Variants in GPC5 observed in about 807,000 individuals in gnomAD.
GPC5 encodes glypican-5.
Under a neutral mutation model 53.9 loss-of-function variants are expected in GPC5, and 47 were observed. That is an observed-to-expected ratio of 0.87 (90% CI 0.69 to 1.11). The LOEUF (loss-of-function observed/expected upper bound fraction) is 1.11, where lower values mean the gene tolerates loss of function less well. GPC5 is among the 50% of genes most tolerant of loss of function. GPC5 has a pLI of 0.00. For synonymous variants in GPC5, 286 were observed against 263.3 expected (o/e 1.09, Z -0.84); for missense variants, 748 against 713.1 (o/e 1.05, Z -0.56).
chr13:92,239,347 C>T (rs1326003310), intron 7 of GPC5, among the ~76,000 whole-genome samples: 1 of 151,800 alleles, frequency 6.6e-6, no homozygotes, highest in Non-Finnish European at 1.5e-5. Context: ...TTATTTAGGT[C>T]TTTAATTTTA....
intron 2 of GPC5, among the ~76,000 whole-genome samples, chr13:91,506,855 A>T (rs1006636449): frequency 3.3e-5 from 5 of 152,100 alleles, no homozygotes; most frequent in Non-Finnish European, 5.9e-5. Flanking sequence ...TGACTATTTG[A>T]TTATTATGGT....
chr13:91,860,336 C>A (rs1306654501), intron 5 of GPC5, among the ~76,000 whole-genome samples: 2 of 151,886 alleles, frequency 1.3e-5, no homozygotes, highest in Admixed American at 1.3e-4. Flanking sequence ...ACTTTCTTTT[C>A]TTGGCTCATT....
intron 6 of GPC5, among the ~76,000 whole-genome samples, chr13:91,965,292 T>G (rs915509848): frequency 6.6e-6 from 1 of 152,164 alleles, no homozygotes; most frequent in African/African-American, 2.4e-5. Flanking sequence ...TGTTAGCTAT[T>G]CCTTCAGAAA....
intron 5 of GPC5, among the ~76,000 whole-genome samples, chr13:91,844,371 C>T (rs905351496): frequency 9.2e-5 from 14 of 152,248 alleles, no homozygotes; most frequent in African/African-American, 2.4e-4. Flanking sequence ...GTGCTCTCTG[C>T]GGAAACTTCT....
At chr13:92,376,502 G>T (rs2043694675) in intron 7 of GPC5, among the ~76,000 whole-genome samples, 1 of 152,188 alleles carries the variant, frequency 6.6e-6, no homozygotes, top group Non-Finnish European at 1.5e-5. Flanking sequence ...CCTAGTGTCT[G>T]CATAGAGGTT....
chr13:92,651,122 A>G (rs1885943952), intron 7 of GPC5, among the ~76,000 whole-genome samples: 1 of 152,028 alleles, frequency 6.6e-6, no homozygotes, highest in African/African-American at 2.4e-5. Context: ...TGGGAATACT[A>G]TGGGACCTTG....
intron 2 of GPC5, among the ~76,000 whole-genome samples, chr13:91,579,400 A>C (rs535446762): frequency 1.3e-5 from 2 of 152,148 alleles, no homozygotes; most frequent in East Asian, 3.9e-4. Flanking sequence ...GTGCTGTAAC[A>C]TTTTATAACC....
chr13:92,207,098 A>G (rs1194707522), intron 7 of GPC5, among the ~76,000 whole-genome samples: 1 of 152,116 alleles, frequency 6.6e-6, no homozygotes, highest in Non-Finnish European at 1.5e-5. Flanking sequence ...TTTTACCCAA[A>G]CTTTTCTACC....
At chr13:91,685,915 T>C (rs1398991196) in intron 2 of GPC5, among the ~76,000 whole-genome samples, 1 of 148,712 alleles carries the variant, frequency 6.7e-6, no homozygotes, top group Non-Finnish European at 1.5e-5. Context: ...ACCATGTTTT[T>C]GTGTATGAAT....
intron 7 of GPC5, among the ~76,000 whole-genome samples, chr13:92,525,818 C>T (rs927233797): frequency 1.3e-5 from 2 of 152,012 alleles, no homozygotes; most frequent in Admixed American, 1.3e-4. Context: ...TTGCTCTGAT[C>T]CCAATATTCA....
At chr13:92,841,780 C>T (rs532235685) in intron 7 of GPC5, among the ~76,000 whole-genome samples, 1 of 152,178 alleles carries the variant, frequency 6.6e-6, no homozygotes, top group East Asian at 1.9e-4. Context: ...TAAGTGCCTC[C>T]TTTCTCTACT....
intron 7 of GPC5, among the ~76,000 whole-genome samples, chr13:92,693,981 G>GTGCCC (rs2139238300): frequency 6.6e-6 from 1 of 152,294 alleles, no homozygotes; most frequent in South Asian, 2.1e-4. Context: ...TCAGGACTTG[G>GTGCCC]TGCCCTGCAA....
At chr13:91,476,458 A>C (rs1882934668) in intron 2 of GPC5, among the ~76,000 whole-genome samples, 1 of 152,222 alleles carries the variant, frequency 6.6e-6, no homozygotes, top group South Asian at 2.1e-4. Flanking sequence ...TGTGAGACCA[A>C]AAAAAGAAAA....
At chr13:92,768,567 T>C (rs1875496521) in intron 7 of GPC5, among the ~76,000 whole-genome samples, 2 of 152,164 alleles carry the variant, frequency 1.3e-5, no homozygotes, top group Admixed American at 6.5e-5. Context: ...ATTGTTCCTT[T>C]TACCTGATTT....
chr13:92,612,970 G>C (rs1183115596), intron 7 of GPC5, among the ~76,000 whole-genome samples: 2 of 151,772 alleles, frequency 1.3e-5, no homozygotes, highest in South Asian at 4.2e-4. Flanking sequence ...AACACTCCTA[G>C]TAGGCACTGT....
At chr13:91,832,748 T>A (rs1194174489) in intron 5 of GPC5, among the ~76,000 whole-genome samples, 1 of 152,102 alleles carries the variant, frequency 6.6e-6, no homozygotes, top group Non-Finnish European at 1.5e-5. Flanking sequence ...GAGCAGTGTT[T>A]AGAGGGAAAT....
At chr13:91,975,246 C>T (rs1172657669) in intron 6 of GPC5, among the ~76,000 whole-genome samples, 1 of 152,094 alleles carries the variant, frequency 6.6e-6, no homozygotes, top group Non-Finnish European at 1.5e-5. Flanking sequence ...AAAGCAATGG[C>T]AACAAAAGCC....
chr13:92,583,647 G>A (rs1883439941), intron 7 of GPC5, among the ~76,000 whole-genome samples: 1 of 152,174 alleles, frequency 6.6e-6, no homozygotes, highest in African/African-American at 2.4e-5. Context: ...TTGTGCCTGT[G>A]AAGCACACAT....
intron 7 of GPC5, among the ~76,000 whole-genome samples, chr13:92,372,679 T>C (rs930583716): frequency 6.6e-6 from 1 of 151,954 alleles, no homozygotes; most frequent in African/African-American, 2.4e-5. Flanking sequence ...TATATTTCTG[T>C]CCTATTTTTC....
Sources: gnomAD v4.1 joint callset for allele counts (sites outside exome capture counted in the v4.1 genomes callset) on GRCh38, gnomAD v4.1.1 for gene constraint, MANE v1.5 for transcripts, NCBI Gene and HGNC (gene_info 2026-07-23, HGNC 2026-07-21) for gene names.